The following C1orf50 variants were observed in gnomAD, a reference collection of about 807,000 sequenced individuals.
The protein encoded by C1orf50 is uncharacterized protein C1orf50.
In C1orf50, 22 loss-of-function variants were observed where a neutral mutation model predicts 23.3. The observed-to-expected ratio is 0.94, with a 90% CI of 0.67 to 1.35. C1orf50 has a LOEUF of 1.35. Ranked by LOEUF, C1orf50 falls within the 40% of genes most tolerant of loss-of-function variation. The probability of loss-of-function intolerance (pLI) is 0.00; values close to 1 mark genes in which losing one functional copy is unlikely to be tolerated. For missense variants in C1orf50, 271 were observed against 249.4 expected (o/e 1.09, Z -0.58); for synonymous variants, 96 against 102.4 (o/e 0.94, Z 0.38).
Position 42,767,566 on chromosome 1 carries a change from A to C in C1orf50, c.137A>C (p.His46Pro). Residue 46 changes from histidine (H) to proline (P), a missense_variant, in exon 2 of 5, where the codon CAC (histidine) becomes CCC (proline). By Grantham distance (77) the His-to-Pro change is moderately conservative. Transcript: ENST00000372525. The stretch of plus-strand genomic sequence containing the variant: ...GGCCTGGCCCTGGTGAGCCCCTACC[A>C]CACCCACCGGGCCGGGGACCCCTTA... ...PGGLALVSPY[H>P]THRAGDPLDL... The C allele has an allele frequency of 6.2e-7, 1 of 1,611,044 alleles. No homozygotes were observed. The highest frequency in any genetic ancestry group is 8.5e-7 in the Non-Finnish European group (1 of 1,179,270).
At chr1:42,767,798 C>T (rs1454537654) in intron 2 of C1orf50, among the ~76,000 whole-genome samples, 174 bp downstream of exon 2, 3 of 152,146 alleles carry the variant, frequency 2.0e-5, no homozygotes, top group African/African-American at 4.8e-5. Flanking sequence ...TTCGAATGAC[C>T]TTCTGGGACC....
At position 42,775,983 on chromosome 1, in the gene C1orf50, G is replaced by A. The variant is rs1054098548; in HGVS notation, c.*589G>A. The A allele has an allele frequency of 6.6e-6, 1 of 151,876 alleles. No individual in the cohort carries two copies. Among genetic ancestry groups the A allele is most frequent in the African/African-American group, 2.4e-5 (1 of 41,358 alleles). The allele number at this position is 151,876 out of a possible 1,614,324, so 9.4% of individuals were successfully genotyped here. On this transcript the variant is annotated 3_prime_UTR_variant, in exon 5 of 5. Transcript: ENST00000372525. ...GATTTCTGTGCTGTTGATGAGGTTT[G>A]TCTTGCCCCTTTTGCTCTCTCTGCC...
Position 42,776,095 on chromosome 1 carries a change from A to G in C1orf50, c.*701A>G, listed in dbSNP as rs1323447109. ...CTCACAAATTTTAGACTTGGAAGAG[A>G]CATTGGATGCTGCCACTAATCATTA... On this transcript the variant is annotated 3_prime_UTR_variant, in exon 5 of 5. Transcript: ENST00000372525. 4 of 152,116 alleles carry G rather than the reference A, an allele frequency of 2.6e-5. No individual in the cohort carries two copies. Among genetic ancestry groups the G allele is most frequent in the African/African-American group, 9.7e-5 (4 of 41,410 alleles). The allele number at this position is 152,116 out of a possible 1,614,324, so 9.4% of individuals were successfully genotyped here. A position where few individuals can be genotyped will look rare whatever the true frequency, so the allele number is the denominator to read the frequency against.
Position 42,767,534 on chromosome 1 carries a change from C to A in C1orf50, c.105C>A (p.Thr35=). ...QGGALVELTP[T]PGGLALVSPY... is the part of the protein sequence containing the mutation. ...GAGCCCTGGTGGAGCTCACCCCGACCCCCGGCGGCCTGGCCCTGGTGAGCC... is the reference window on the plus strand; with the variant it reads ...GAGCCCTGGTGGAGCTCACCCCGACACCCGGCGGCCTGGCCCTGGTGAGCC... The change falls in exon 2 of 5, where the codon ACC becomes ACA. Residue 35 remains threonine (T), a synonymous_variant. Coordinates refer to ENST00000372525, the MANE Select transcript of C1orf50 (RefSeq NM_024097.4). 2.5e-6 allele frequency: 4 copies of A among 1,594,498 alleles called. No individual in the cohort carries two copies. The highest frequency in any genetic ancestry group is 2.6e-6 in the Non-Finnish European group (3 of 1,171,252).
rs1653323180 is a variant in C1orf50, at chr1:42,775,684, A to T, written c.*290A>T. ...TTCCTCTCCATCACTTCTTCCCTTA[A>T]GTTAAAGTGTTAGAGAAGACCTTCT... On this transcript the variant is annotated 3_prime_UTR_variant, in exon 5 of 5. Transcript: ENST00000372525. 1 of 222,986 alleles carries T rather than the reference A, an allele frequency of 4.5e-6. No individual in the cohort carries two copies. Among genetic ancestry groups the T allele is most frequent in the South Asian group, 1.7e-4 (1 of 5,852 alleles). 13.8% of individuals were successfully genotyped at this position (222,986 alleles called of 1,614,324 possible).
Position 42,767,517 on chromosome 1 carries a change from G to T in C1orf50, c.88G>T (p.Val30Leu), listed in dbSNP as rs760776779. ...CTGGGTGTGTGTCGCAGGAGCCCTG[G>T]TGGAGCTCACCCCGACCCCCGGCGG... The part of the protein sequence containing the change: ...PPAAGQGGAL[V>L]ELTPTPGGLA... Residue 30 changes from valine (V) to leucine (L), a missense_variant, in exon 2 of 5, where the codon GTG becomes TTG. By Grantham distance (32) the Val-to-Leu change is conservative (BLOSUM62 1). Transcript: ENST00000372525. 6.3e-7 allele frequency: 1 copy of T among 1,577,210 alleles called. No homozygotes were observed. The highest frequency in any genetic ancestry group is 8.6e-7 in the Non-Finnish European group (1 of 1,161,938).
chr1:42,778,872 G>T lies in C1orf50; in HGVS notation c.*3478G>T, dbSNP rs924014670. Reference sequence around the variant, plus strand: ...GGCAGCAGAGTTTGGGTAGAGGGAAGACAGGAGATTCCATCCCTAATCAAG... The same window carrying T: ...GGCAGCAGAGTTTGGGTAGAGGGAATACAGGAGATTCCATCCCTAATCAAG... On this transcript the variant is annotated 3_prime_UTR_variant, in exon 5 of 5. Coordinates refer to ENST00000372525, the MANE Select transcript of C1orf50 (RefSeq NM_024097.4). 1 of 150,504 alleles carries T rather than the reference G, an allele frequency of 6.6e-6. No homozygotes were observed. Among genetic ancestry groups the T allele is most frequent in the African/African-American group, 2.4e-5 (1 of 41,020 alleles). The allele number at this position is 150,504 out of a possible 1,614,324, so 9.3% of individuals were successfully genotyped here.
At chr1:42,772,651 G>A (rs1653247408) in intron 2 of C1orf50, among the ~76,000 whole-genome samples, 1 of 151,972 alleles carries the variant, frequency 6.6e-6, no homozygotes, top group African/African-American at 2.4e-5. Context: ...CATGGTGGCG[G>A]GCACCTGTAA....
At chr1:42,775,013 T>C in intron 4 of C1orf50, 145 bp downstream of exon 4, 1 of 1,122,000 alleles carries the variant, frequency 8.9e-7, no homozygotes, top group Non-Finnish European at 1.3e-6. Flanking sequence ...CTCTAAAAAA[T>C]ATACCTGTGC....
At position 42,776,766 on chromosome 1, in the gene C1orf50, G is replaced by A. The variant is rs865781618; in HGVS notation, c.*1372G>A. On this transcript the variant is annotated 3_prime_UTR_variant, in exon 5 of 5. Transcript: ENST00000372525. Reference sequence around the variant, plus strand: ...GCAGAGCCGGATGGAAGAGACATTAGTGGTAGAGTAGTGGATTCTGACTAC... The same window carrying A: ...GCAGAGCCGGATGGAAGAGACATTAATGGTAGAGTAGTGGATTCTGACTAC... 6.6e-6 allele frequency: 1 copy of A among 152,288 alleles called. No homozygotes were observed. The highest frequency in any genetic ancestry group is 1.5e-5 in the Non-Finnish European group (1 of 68,060). 9.4% of individuals were successfully genotyped at this position (152,288 alleles called of 1,614,324 possible).
At chr1:42,773,002 G>A (rs562656267) in intron 2 of C1orf50, among the ~76,000 whole-genome samples, 13 of 152,284 alleles carry the variant, frequency 8.5e-5, no homozygotes, top group Admixed American at 1.3e-4. Flanking sequence ...TCAGTTCAGG[G>A]GGTGTGGGGG....
At position 42,777,362 on chromosome 1, in the gene C1orf50, G is replaced by A. The variant is rs190351518; in HGVS notation, c.*1968G>A. The A allele has an allele frequency of 2.0e-5, 3 of 152,358 alleles. No individual in the cohort carries two copies. In the East Asian group the frequency reaches 5.8e-4, roughly 29 times the overall value. 9.4% of individuals were successfully genotyped at this position (152,358 alleles called of 1,614,324 possible). A position where few individuals can be genotyped will look rare whatever the true frequency, so the allele number is the denominator to read the frequency against. ...ACCTGCCTCAGCCTCCCACAGTGCT[G>A]GCGTTTGAGCCACCATACCTGGCCT... On this transcript the variant is annotated 3_prime_UTR_variant, in exon 5 of 5. Coordinates refer to ENST00000372525, the MANE Select transcript of C1orf50 (RefSeq NM_024097.4).
intron 2 of C1orf50, among the ~76,000 whole-genome samples, chr1:42,768,457 C>T (rs1653137108): frequency 6.6e-6 from 1 of 152,128 alleles, no homozygotes; most frequent in Non-Finnish European, 1.5e-5. Context: ...TCAGATTTGG[C>T]CTTGATTATG....
At position 42,767,265 on chromosome 1, in the gene C1orf50, T is replaced by C; in HGVS notation, c.-47T>C. 1 of 1,463,374 alleles carries C rather than the reference T, an allele frequency of 6.8e-7. No individual in the cohort carries two copies. The allele number at this position is 1,463,374 out of a possible 1,614,324, so 90.6% of individuals were successfully genotyped here. A position where few individuals can be genotyped will look rare whatever the true frequency, so the allele number is the denominator to read the frequency against. On this transcript the variant is annotated 5_prime_UTR_variant, in exon 1 of 5. Coordinates refer to ENST00000372525, the MANE Select transcript of C1orf50 (RefSeq NM_024097.4). ...CGCCCACGCGCCTTTATGCGCAGGC[T>C]CTTCCTACTCGCACAGCCCAGGGAG...
chr1:42,767,560 C>G lies in C1orf50; in HGVS notation c.131C>G (p.Pro44Arg). The G allele has an allele frequency of 2.5e-6, 4 of 1,610,182 alleles. No homozygotes were observed. The highest frequency in any genetic ancestry group is 3.4e-6 in the Non-Finnish European group (4 of 1,178,932). ...PTPGGLALVS[P>R]YHTHRAGDPL... The stretch of plus-strand genomic sequence containing the variant: ...CCCGGCGGCCTGGCCCTGGTGAGCC[C>G]CTACCACACCCACCGGGCCGGGGAC... The change falls in exon 2 of 5, where the codon CCC (proline) becomes CGC (arginine). Residue 44 changes from proline (P) to arginine (R), a missense_variant. By Grantham distance (103) the Pro-to-Arg change is moderately radical (BLOSUM62 -2). Transcript: ENST00000372525.
intron 2 of C1orf50, among the ~76,000 whole-genome samples, chr1:42,770,039 A>G (rs1209221290): frequency 3.9e-5 from 6 of 152,156 alleles, no homozygotes; most frequent in African/African-American, 1.4e-4. Flanking sequence ...AAGTGAGGTT[A>G]TCATCTCCAG....
chr1:42,775,078 A>G (rs1193651731), intron 4 of C1orf50, 131 bp from the exon 5 acceptor site: 2 of 980,172 alleles, frequency 2.0e-6, no homozygotes, highest in African/African-American at 3.3e-5. Flanking sequence ...GTGTAAGGTA[A>G]CTGCGTTCCA....
At chr1:42,767,780 T>C (rs1027696333) in intron 2 of C1orf50, among the ~76,000 whole-genome samples, 156 bp downstream of exon 2, 6 of 152,190 alleles carry the variant, frequency 3.9e-5, no homozygotes, top group Non-Finnish European at 8.8e-5. Flanking sequence ...TGTGAGTCGG[T>C]GGCCTGATTC....
At chr1:42,773,003 G>T (rs1653256671) in intron 2 of C1orf50, among the ~76,000 whole-genome samples, 1 of 152,134 alleles carries the variant, frequency 6.6e-6, no homozygotes, top group South Asian at 2.1e-4. Context: ...CAGTTCAGGG[G>T]GTGTGGGGGT....
Sources: allele counts gnomAD v4.1 joint callset (sites outside exome capture counted in the v4.1 genomes callset), GRCh38; gene constraint gnomAD v4.1.1; transcripts MANE v1.5; gene names NCBI Gene and HGNC (gene_info 2026-07-23, HGNC 2026-07-21).